NECAB2: variants seen among roughly 807,000 people sequenced by gnomAD.
The protein encoded by NECAB2 is N-terminal EF-hand calcium-binding protein 2.
In NECAB2, 68 loss-of-function variants were observed where a neutral mutation model predicts 51.9. That is an observed-to-expected ratio of 1.31 (90% CI 1.08 to 1.60). NECAB2 has a LOEUF of 1.60. Among genes scored for constraint, NECAB2 ranks in the 40% most tolerant of loss-of-function variants. NECAB2 has a pLI of 0.00. For synonymous variants in NECAB2, 329 were observed against 203.5 expected, an observed-to-expected ratio of 1.62 and a Z score of -5.25; for missense variants, 854 against 490.3, an observed-to-expected ratio of 1.74 and a Z score of -7.00.
chr16:83,975,162 G>T lies in NECAB2; in HGVS notation c.226+2987G>T, dbSNP rs112071555. Among the ~76,000 whole-genome samples, 29 of 117,748 alleles carry T rather than the reference G, an allele frequency of 2.5e-4. 1 individual carries two copies. The highest frequency in any genetic ancestry group is 1.8e-3 in the African/African-American group (27 of 15,322). The allele number at this position is 117,748 out of a possible 152,430, so 77.2% of individuals were successfully genotyped here. On this transcript the variant is annotated intron_variant, in intron 2 of 12. Coordinates refer to ENST00000305202, the MANE Select transcript of NECAB2 (RefSeq NM_019065.3). Reference sequence around the variant, plus strand: ...TGAGAGCAGGTGTGCAGGGAGGTGTGGGTGCAGGGATGGGAACAGGTGTGC... The same window carrying T: ...TGAGAGCAGGTGTGCAGGGAGGTGTTGGTGCAGGGATGGGAACAGGTGTGC...
At chr16:84,001,744 C>T in intron 11 of NECAB2, 81 bp from the exon 12 acceptor site, 3 of 1,490,942 alleles carry the variant, frequency 2.0e-6, no homozygotes, top group Admixed American at 3.5e-5. Flanking sequence ...CCATTTTGGG[C>T]TAGAGCTAGG....
At chr16:83,999,737 C>T (rs758355204) in intron 10 of NECAB2, among the ~76,000 whole-genome samples, 1 of 152,050 alleles carries the variant, frequency 6.6e-6, no homozygotes, top group African/African-American at 2.4e-5. Context: ...TGCCTGCAGC[C>T]CCTTCCTCTG....
chr16:83,984,187 G>A (rs2084523387), intron 5 of NECAB2, among the ~76,000 whole-genome samples: 1 of 151,430 alleles, frequency 6.6e-6, no homozygotes, highest in African/African-American at 2.4e-5. Flanking sequence ...AGTAGAGACG[G>A]GGTTTCATCG....
intron 6 of NECAB2, among the ~76,000 whole-genome samples, chr16:83,993,787 TCA>T: frequency 6.6e-6 from 1 of 152,198 alleles, no homozygotes; most frequent in Non-Finnish European, 1.5e-5. Flanking sequence ...CAGGTCAGGA[TCA>T]CAGTTTCTGT....
At chr16:83,972,054 C>A in intron 1 of NECAB2, 97 bp from the exon 2 acceptor site, 1 of 1,543,700 alleles carries the variant, frequency 6.5e-7, no homozygotes, top group Non-Finnish European at 8.9e-7. Context: ...CTAAGCTGCT[C>A]CTGGGAGAAG....
At chr16:83,985,231 T>G (rs1260689924) in intron 5 of NECAB2, among the ~76,000 whole-genome samples, 1 of 140,710 alleles carries the variant, frequency 7.1e-6, no homozygotes, top group Admixed American at 7.9e-5. Context: ...GAGAATCACT[T>G]GAACCCGGGA....
At chr16:83,970,282 A>G (rs1469102803) in intron 1 of NECAB2, among the ~76,000 whole-genome samples, 1 of 151,740 alleles carries the variant, frequency 6.6e-6, no homozygotes, top group East Asian at 1.9e-4. Flanking sequence ...CATGTCACTC[A>G]TGTGTTCAGC....
chr16:83,987,873 A>G (rs1159111928), intron 5 of NECAB2, among the ~76,000 whole-genome samples: 1 of 152,264 alleles, frequency 6.6e-6, no homozygotes, highest in Non-Finnish European at 1.5e-5. Context: ...AAATGGCTAC[A>G]TAAGATGGCT....
intron 6 of NECAB2, among the ~76,000 whole-genome samples, chr16:83,992,755 C>G (rs544145725): frequency 1.4e-4 from 22 of 152,326 alleles, no homozygotes; most frequent in Non-Finnish European, 2.4e-4. Flanking sequence ...CCTGGCCATA[C>G]TCACTGGCTA....
chr16:83,981,548 G>C (rs1305548264), intron 5 of NECAB2, among the ~76,000 whole-genome samples: 1 of 152,098 alleles, frequency 6.6e-6, no homozygotes, highest in African/African-American at 2.4e-5. Context: ...TCAGCACCTG[G>C]TTTAATCCTC....
rs142909103 is a variant in NECAB2, at chr16:83,978,532, G to T, written c.315G>T (p.Thr105=). Reference sequence around the variant, plus strand: ...AAGAACTGGAGGATCTCTTTCACACGATTGACTCTGACAACACCAAGTGAG... The same window carrying T: ...AAGAACTGGAGGATCTCTTTCACACTATTGACTCTGACAACACCAAGTGAG... ...NEKELEDLFH[T]IDSDNTNHVD... The change falls in exon 3 of 13, where the codon ACG becomes ACT. Residue 105 remains threonine, a synonymous_variant. Coordinates refer to ENST00000305202, the MANE Select transcript of NECAB2 (RefSeq NM_019065.3). 2.5e-6 allele frequency: 4 copies of T among 1,613,452 alleles called. No homozygotes were observed. Among genetic ancestry groups the T allele is most frequent in the East Asian group, 2.2e-5 (1 of 44,878 alleles).
intron 8 of NECAB2, among the ~76,000 whole-genome samples, chr16:83,996,437 CCTG>C (rs1179412964): frequency 4.6e-5 from 7 of 152,336 alleles, no homozygotes; most frequent in African/African-American, 1.2e-4. Flanking sequence ...GACTCATCCA[CCTG>C]CTGCTGTTTT....
intron 6 of NECAB2, among the ~76,000 whole-genome samples, chr16:83,993,844 A>T (rs1182364980): frequency 6.6e-6 from 1 of 151,942 alleles, no homozygotes; most frequent in Admixed American, 6.6e-5. Flanking sequence ...TCTCGCTTTT[A>T]TGTGTATGTG....
chr16:83,984,290 C>T (rs189830046), intron 5 of NECAB2, among the ~76,000 whole-genome samples: 53 of 151,944 alleles, frequency 3.5e-4, no homozygotes, highest in African/African-American at 1.2e-3. Context: ...CCACCGCGCC[C>T]GGCGGAATAT....
chr16:83,989,730 A>C (rs2084598080), intron 5 of NECAB2, among the ~76,000 whole-genome samples: 1 of 152,170 alleles, frequency 6.6e-6, no homozygotes, highest in African/African-American at 2.4e-5. Context: ...TCTCCACTGG[A>C]TCCAAAAGCC....
At chr16:83,998,015 TGG>T (rs1345551729) in intron 9 of NECAB2, among the ~76,000 whole-genome samples, 188 bp from the exon 10 acceptor site, 2 of 152,134 alleles carry the variant, frequency 1.3e-5, no homozygotes, top group Non-Finnish European at 2.9e-5. Context: ...ACTTCTGCAC[TGG>T]GCTCTTGAGG....
At chr16:83,991,352 CCTTTTCTTTT>C (rs1314036080) in intron 6 of NECAB2, among the ~76,000 whole-genome samples, 2 of 142,148 alleles carry the variant, frequency 1.4e-5, no homozygotes, top group Non-Finnish European at 3.0e-5. Flanking sequence ...TTTTCTATTT[CCTTTTCTTTT>C]CTTTTCTTTT....
chr16:83,966,041 A>G, upstream of NECAB2: 1 of 1,442,096 alleles, frequency 6.9e-7, no homozygotes, highest in Non-Finnish European at 9.2e-7. Flanking sequence ...CCAGGCCCTG[A>G]GAGGACAGAG....
chr16:83,994,604 C>T lies in NECAB2; in HGVS notation c.716-5C>T, dbSNP rs761358197. The T allele has an allele frequency of 7.4e-5, 120 of 1,613,922 alleles. No homozygotes were observed. Among genetic ancestry groups the T allele is most frequent in the South Asian group, 3.1e-4 (28 of 91,070 alleles). ...GAAGTCTGTGTGTCTCTTTCTCTAC[C>T]GCAGCCACGGAGGATGCAAAGGAAG... On this transcript the variant is annotated splice_polypyrimidine_tract_variant and splice_region_variant and intron_variant, in intron 7 of 12. Coordinates refer to ENST00000305202, the MANE Select transcript of NECAB2 (RefSeq NM_019065.3).
Sources: gnomAD v4.1 joint callset for allele counts (sites outside exome capture counted in the v4.1 genomes callset) on GRCh38, gnomAD v4.1.1 for gene constraint, MANE v1.5 for transcripts, NCBI Gene and HGNC (gene_info 2026-07-23, HGNC 2026-07-21) for gene names.